The following PITPNM2 variants were observed in gnomAD, a reference collection of about 807,000 sequenced individuals.
The protein encoded by PITPNM2 is phosphatidylinositol transfer protein membrane associated 2.
Under a neutral mutation model 132.2 loss-of-function variants are expected in PITPNM2, and 35 were observed. The observed-to-expected ratio is 0.26, with a 90% CI of 0.20 to 0.35. PITPNM2 has a LOEUF of 0.35. Ranked by LOEUF, PITPNM2 falls within the 10% of genes least tolerant of loss-of-function variation. The pLI is 1.00. For synonymous variants in PITPNM2, 738 were observed against 799.2 expected (o/e 0.92, Z 1.29); for missense variants, 1,332 against 1,912.0 (o/e 0.70, Z 5.66).
chr12:123,133,444 C>T (rs1593032667), intron 1 of PITPNM2, among the ~76,000 whole-genome samples: 4 of 152,150 alleles, frequency 2.6e-5, no homozygotes, highest in African/African-American at 7.2e-5. Context: ...TCACTCAGAG[C>T]CTCAATTATG....
At chr12:123,079,665 G>A (rs533024566) in intron 2 of PITPNM2, among the ~76,000 whole-genome samples, 1 of 152,196 alleles carries the variant, frequency 6.6e-6, no homozygotes, top group East Asian at 1.9e-4. Context: ...ACTGTTTTAT[G>A]ATGAAAGTGT....
At chr12:123,076,908 CT>C (rs2041807772) in intron 2 of PITPNM2, among the ~76,000 whole-genome samples, 3 of 152,096 alleles carry the variant, frequency 2.0e-5, no homozygotes, top group Admixed American at 1.3e-4. Context: ...ACCAGGGGTT[CT>C]TTTTTCCATT....
chr12:123,096,325 G>A (rs1479048181), intron 2 of PITPNM2, among the ~76,000 whole-genome samples: 2 of 152,344 alleles, frequency 1.3e-5, no homozygotes, highest in African/African-American at 4.8e-5. Flanking sequence ...CCACAGAAGA[G>A]GAATGGGCTC....
chr12:123,132,211 G>A (rs758494730), intron 1 of PITPNM2, among the ~76,000 whole-genome samples: 25 of 152,306 alleles, frequency 1.6e-4, no homozygotes, highest in Non-Finnish European at 3.4e-4. Flanking sequence ...CATGCCCAAC[G>A]TCAGGTGCAC....
chr12:123,003,707 C>A (rs1194208821), intron 8 of PITPNM2, among the ~76,000 whole-genome samples: 1 of 152,248 alleles, frequency 6.6e-6, no homozygotes, highest in African/African-American at 2.4e-5. Flanking sequence ...TCGCCCCCAT[C>A]CCTTTCTGAG....
At chr12:123,112,668 A>G (rs1229653996) in intron 1 of PITPNM2, among the ~76,000 whole-genome samples, 1 of 151,408 alleles carries the variant, frequency 6.6e-6, no homozygotes, top group Non-Finnish European at 1.5e-5. Flanking sequence ...CCTCCTGAGT[A>G]GCTGGGACTA....
chr12:123,132,622 A>G (rs1015489964), intron 1 of PITPNM2, among the ~76,000 whole-genome samples: 1 of 151,790 alleles, frequency 6.6e-6, no homozygotes, highest in African/African-American at 2.4e-5. Context: ...CCACTTCCAG[A>G]GCATTTTCAT....
At chr12:123,054,169 G>A (rs1017063994) in intron 2 of PITPNM2, among the ~76,000 whole-genome samples, 3 of 152,048 alleles carry the variant, frequency 2.0e-5, no homozygotes, top group Non-Finnish European at 4.4e-5. Flanking sequence ...AGACTGGAGT[G>A]TATGGCGCAG....
Position 122,986,027 on chromosome 12 carries a change from C to A in PITPNM2, c.4050G>T (p.Ter1350TyrextTer183). 7.1e-7 allele frequency: 1 copy of A among 1,398,750 alleles called. No homozygotes were observed. 86.6% of individuals were successfully genotyped at this position (1,398,750 alleles called of 1,614,324 possible). A position where few individuals can be genotyped will look rare whatever the true frequency, so the allele number is the denominator to read the frequency against. The change falls in exon 26 of 26, where the codon TAG (stop) becomes TAT (tyrosine). Residue 1350 changes from the stop codon to tyrosine (Y), a stop_lost. Coordinates refer to ENST00000320201, the MANE Select transcript of PITPNM2 (RefSeq NM_020845.3). ...LEPGAAAGPK[*>Y] ...GACCCCGCGCTGCACTCACGGTGCCCTACTTGGGGCCCGCGGCTGCCCCCG... is the reference window on the plus strand; with the variant it reads ...GACCCCGCGCTGCACTCACGGTGCCATACTTGGGGCCCGCGGCTGCCCCCG...
In PITPNM2 at chr12:123,111,801, G is replaced by A. The variant is rs2137342040; in HGVS notation, c.-199-1313C>T. ...CCCAGGCACCCACAGCAGAGTGGAT[G>A]CAGGTCCCAGCCCTCCCAGTGACCA... On this transcript the variant is annotated intron_variant, in intron 1 of 25. Transcript: ENST00000320201. This position sits in a 1 kb window ranked among gnomAD's most constrained non-coding sequence, Gnocchi z 4.1. Among the ~76,000 whole-genome samples, 1 of 152,354 alleles carries A rather than the reference G, an allele frequency of 6.6e-6. No individual in the cohort carries two copies. Among genetic ancestry groups the A allele is most frequent in the Admixed American group, 6.5e-5 (1 of 15,306 alleles).
chr12:122,987,792 C>T lies in PITPNM2; in HGVS notation c.3107G>A (p.Gly1036Glu). ...YGPLDMVTLT[G>E]EKVDVHIMTQ... ...TACCCGCCGTGTCCTTACCTTCTCC[C>T]CAGTCAGGGTGACCATGTCCAGGGG... is the stretch of plus-strand genomic sequence containing the variant. Residue 1036 changes from glycine to glutamate, a missense_variant, in exon 21 of 26, where the codon GGG becomes GAG. By Grantham distance (98) the Gly-to-Glu change is moderately conservative. Transcript: ENST00000320201. 1 of 1,614,024 alleles carries T rather than the reference C, an allele frequency of 6.2e-7. No homozygotes were observed. Among genetic ancestry groups the T allele is most frequent in the Non-Finnish European group, 8.5e-7 (1 of 1,180,014 alleles).
intron 1 of PITPNM2, among the ~76,000 whole-genome samples, chr12:123,114,965 G>A (rs999166158): frequency 6.6e-5 from 10 of 152,184 alleles, no homozygotes; most frequent in Non-Finnish European, 1.0e-4. Context: ...AGGGCCAGGC[G>A]TGCTACAGCC....
In PITPNM2 at chr12:122,993,978, G is replaced by A. The variant is rs989049472; in HGVS notation, c.2233+823C>T. Among the ~76,000 whole-genome samples the A allele has an allele frequency of 3.3e-5, 5 of 152,020 alleles. No homozygotes were observed. Among genetic ancestry groups the A allele is most frequent in the African/African-American group, 9.7e-5 (4 of 41,376 alleles). The stretch of plus-strand genomic sequence containing the variant: ...AACCTCCGCCCTCCCGTGTTCAGGC[G>A]ATTCTCCTGCCTCAGGCTCCCGAGT... On this transcript the variant is annotated intron_variant, in intron 15 of 25. Coordinates refer to ENST00000320201, the MANE Select transcript of PITPNM2 (RefSeq NM_020845.3). This position sits in a 1 kb window ranked among gnomAD's most constrained non-coding sequence, Gnocchi z 5.2.
chr12:123,055,596 C>T (rs928498291), intron 2 of PITPNM2, among the ~76,000 whole-genome samples: 1 of 152,212 alleles, frequency 6.6e-6, no homozygotes, highest in African/African-American at 2.4e-5. Context: ...GTGTACACAC[C>T]GTTCTGCTCT....
intron 1 of PITPNM2, among the ~76,000 whole-genome samples, chr12:123,144,498 C>A (rs1040145367): frequency 1.3e-5 from 2 of 152,236 alleles, no homozygotes; most frequent in Non-Finnish European, 2.9e-5. Context: ...GGGGCACGAT[C>A]TCGGCTCACT....
chr12:122,990,757 G>C, intron 16 of PITPNM2, 48 bp from the exon 17 acceptor site: 2 of 1,541,290 alleles, frequency 1.3e-6, no homozygotes, highest in Non-Finnish European at 1.7e-6. Flanking sequence ...GCCCTGCCCA[G>C]CCCCGGAGCA....
intron 1 of PITPNM2, among the ~76,000 whole-genome samples, chr12:123,138,525 A>G (rs936488973): frequency 2.0e-5 from 3 of 152,232 alleles, no homozygotes; most frequent in Non-Finnish European, 4.4e-5. Context: ...CCATGATACA[A>G]CATGGTTGAA....
At position 122,990,689 on chromosome 12, in the gene PITPNM2, T is replaced by C. The variant is rs560753567; in HGVS notation, c.2425A>G (p.Asn809Asp). 2 of 1,610,424 alleles carry C rather than the reference T, an allele frequency of 1.2e-6. No individual in the cohort carries two copies. Among genetic ancestry groups the C allele is most frequent in the African/African-American group, 1.3e-5 (1 of 75,042 alleles). ...GCGCCATGCTCTTGGAAGGCTGCAT[T>C]GTGGGTCTGGAGCACATCCGCTGCA... ...TLLADVLQTH[N>D]AAFQEHGAPS... The change falls in exon 17 of 26, where the codon AAT (asparagine) becomes GAT (aspartate). Residue 809 changes from asparagine (N) to aspartate (D), a missense_variant. Asn to Asp is a conservative substitution (Grantham distance 23, BLOSUM62 1). Transcript: ENST00000320201.
Position 123,008,038 on chromosome 12 carries a change from A to C in PITPNM2, c.643+1812T>G, listed in dbSNP as rs2039015617. Among the ~76,000 whole-genome samples, 1 of 152,240 alleles carries C rather than the reference A, an allele frequency of 6.6e-6. No homozygotes were observed. The highest frequency in any genetic ancestry group is 2.1e-4 in the South Asian group (1 of 4,832). On this transcript the variant is annotated intron_variant, in intron 6 of 25. Coordinates refer to ENST00000320201, the MANE Select transcript of PITPNM2 (RefSeq NM_020845.3). The surrounding 1 kb of genome is among the most constrained non-coding windows in gnomAD (Gnocchi z 4.1). ...CGGTCTCGGCCCACAACAGTCCGAT[A>C]GGATCGGTGTCATTACACCCATTTT...
Sources: gnomAD v4.1 joint callset for allele counts (sites outside exome capture counted in the v4.1 genomes callset) on GRCh38, gnomAD v4.1.1 for gene constraint, Gnocchi (gnomAD v3.1) non-coding constraint, MANE v1.5 for transcripts, NCBI Gene and HGNC (gene_info 2026-07-23, HGNC 2026-07-21) for gene names.